GRIN2C: variants seen among roughly 807,000 people sequenced by gnomAD.
The protein encoded by GRIN2C is glutamate ionotropic receptor NMDA type subunit 2C.
GRIN2C carries 64 observed loss-of-function variants against 77.7 expected under a neutral mutation model. The observed-to-expected ratio is 0.82, with a 90% confidence interval of 0.67 to 1.01. The LOEUF is 1.01. GRIN2C is among the 50% of genes least tolerant of loss of function. GRIN2C has a pLI of 0.00. For missense variants in GRIN2C, 1,549 were observed against 1,486.0 expected (o/e 1.04, Z -0.70); for synonymous variants, 792 against 643.4 (o/e 1.23, Z -3.49).
In GRIN2C at chr17:74,847,485, C is replaced by A; in HGVS notation, c.1824G>T (p.Ala608=). ...TGGGCACTGAGTTGTTGAAGACCAG[C>A]GCCCACAGCAGCCACACGGACTTGC... ...TIGKSVWLLW[A]LVFNNSVPIE... Residue 608 remains alanine, a synonymous_variant, in exon 9 of 13, where the codon GCG becomes GCT. Coordinates refer to ENST00000293190, the MANE Select transcript of GRIN2C (RefSeq NM_000835.6). This position sits in a 1 kb window ranked among gnomAD's most constrained non-coding sequence, Gnocchi z 5.2. 1 of 1,613,886 alleles carries A rather than the reference C, an allele frequency of 6.2e-7. No individual in the cohort carries two copies. The highest frequency in any genetic ancestry group is 8.5e-7 in the Non-Finnish European group (1 of 1,179,990).
At position 74,855,068 on chromosome 17, in the gene GRIN2C, G is replaced by C. The variant is rs764148866; in HGVS notation, c.25C>G (p.Leu9Val). 1.3e-6 allele frequency: 2 copies of C among 1,593,238 alleles called. No individual in the cohort carries two copies. The highest frequency in any genetic ancestry group is 3.4e-5 in the Admixed American group (2 of 59,460). The change falls in exon 2 of 13, where the codon CTG (leucine) becomes GTG (valine). Residue 9 changes from leucine to valine, a missense_variant. Around this residue, in one of 3 missense-constraint regions of GRIN2C, gnomAD observed 382 missense variants for 360.0 expected, o/e 1.06. Coordinates refer to ENST00000293190, the MANE Select transcript of GRIN2C (RefSeq NM_000835.6). Reference protein sequence around the residue: MGGALGPALLLTSLFGAWA... With the variant: MGGALGPAVLLTSLFGAWA... Reference sequence around the variant, plus strand: ...GCACCGAAGAGCGAGGTGAGCAACAGGGCCGGCCCCAGGGCCCCACCCATG... The same window carrying C: ...GCACCGAAGAGCGAGGTGAGCAACACGGCCGGCCCCAGGGCCCCACCCATG...
Position 74,849,540 on chromosome 17 carries a change from C to T in GRIN2C, c.1645+240G>A, listed in dbSNP as rs1040473704. ...TGGATTTTCCTGCCACTCACAGTGG[C>T]ACCACGACCCATCCCACACCCCCAA... On this transcript the variant is annotated intron_variant, in intron 7 of 12. Transcript: ENST00000293190. The surrounding 1 kb of genome is among the most constrained non-coding windows in gnomAD (Gnocchi z 4.6). Among the ~76,000 whole-genome samples the T allele has an allele frequency of 2.0e-5, 3 of 152,212 alleles. No individual in the cohort carries two copies. The highest frequency in any genetic ancestry group is 4.4e-5 in the Non-Finnish European group (3 of 68,034).
At chr17:74,860,351 G>A, upstream of GRIN2C, 1 of 450,786 alleles carries the variant, frequency 2.2e-6, no homozygotes, top group Non-Finnish European at 4.5e-6. Context: ...AGGGCTGGGG[G>A]ACCGAGCCAG....
intron 1 of GRIN2C, among the ~76,000 whole-genome samples, chr17:74,856,092 CAT>C (rs1454246307): frequency 1.3e-5 from 2 of 152,174 alleles, no homozygotes; most frequent in Non-Finnish European, 2.9e-5. Context: ...TGCTAAATGT[CAT>C]TATTTTGGAT....
Position 74,852,125 on chromosome 17 carries a change from G to A in GRIN2C, c.886C>T (p.Leu296=). ...CAGTAGCTGTGGGCGCCCAGGGCCA[G>A]AATGGCCACGCCGTCGCGCACCTTC... ...RQKVRDGVAI[L]ALGAHSYWRQ... is the part of the protein sequence containing the mutation. The change falls in exon 3 of 13, where the codon CTG becomes TTG. Residue 296 remains leucine (L), a synonymous_variant. Transcript: ENST00000293190. The A allele has an allele frequency of 1.4e-6, 2 of 1,458,792 alleles. No individual in the cohort carries two copies. Among genetic ancestry groups the A allele is most frequent in the East Asian group, 2.7e-5 (1 of 37,518 alleles). The allele number at this position is 1,458,792 out of a possible 1,614,324, so 90.4% of individuals were successfully genotyped here.
chr17:74,843,280 G>A lies in GRIN2C; in HGVS notation c.2857C>T (p.Pro953Ser), dbSNP rs1383997807. 5.8e-6 allele frequency: 6 copies of A among 1,031,054 alleles called. No homozygotes were observed. In the Admixed American group the frequency reaches 9.9e-5, roughly 17 times the overall value. The allele number at this position is 1,031,054 out of a possible 1,614,324, so 63.9% of individuals were successfully genotyped here. Residue 953 changes from proline (P) to serine (S), a missense_variant, in exon 13 of 13, where the codon CCA (proline) becomes TCA (serine). Transcript: ENST00000293190. The stretch of plus-strand genomic sequence containing the variant: ...CCCCAGCCCGTGGGGCTCGGCTCTG[G>A]GGGCGGGTCGGGGGTGGGCAGGCAT... ...SPCLPTPDPP[P>S]EPSPTGWGPP...
rs2037624045 is a variant in GRIN2C at position 74,850,973 on chromosome 17, C to G, written c.1114-206G>C. 1.7e-6 allele frequency: 1 copy of G among 599,052 alleles called. No individual in the cohort carries two copies. Among genetic ancestry groups the G allele is most frequent in the Non-Finnish European group, 3.0e-6 (1 of 335,514 alleles). The allele number at this position is 599,052 out of a possible 1,614,324, so 37.1% of individuals were successfully genotyped here. ...TGACCCACAGCATCTTCCTAAAGCCCAGACCTGACCCTGTCTCACTCACTG... is the reference window on the plus strand; with the variant it reads ...TGACCCACAGCATCTTCCTAAAGCCGAGACCTGACCCTGTCTCACTCACTG... On this transcript the variant is annotated intron_variant, in intron 4 of 12. Coordinates refer to ENST00000293190, the MANE Select transcript of GRIN2C (RefSeq NM_000835.6). The surrounding 1 kb of genome is among the most constrained non-coding windows in gnomAD (Gnocchi z 5.3).
chr17:74,847,613 C>A lies in GRIN2C; in HGVS notation c.1772-76G>T. On this transcript the variant is annotated intron_variant, in intron 8 of 12. Transcript: ENST00000293190. The surrounding 1 kb of genome is among the most constrained non-coding windows in gnomAD (Gnocchi z 5.2). ...AGGGCTCAGGGCTCAGCCCACCCGA[C>A]TGCACAGCTCCGGTCTCAGCCTGGC... 1 of 1,121,016 alleles carries A rather than the reference C, an allele frequency of 8.9e-7. No homozygotes were observed. Among genetic ancestry groups the A allele is most frequent in the Non-Finnish European group, 1.3e-6 (1 of 764,694 alleles). The allele number at this position is 1,121,016 out of a possible 1,614,324, so 69.4% of individuals were successfully genotyped here. A position where few individuals can be genotyped will look rare whatever the true frequency, so the allele number is the denominator to read the frequency against.
In GRIN2C at chr17:74,852,620, G is replaced by GT; in HGVS notation, c.400-10_400-9insA. 1 of 1,153,812 alleles carries GT rather than the reference G, an allele frequency of 8.7e-7. No individual in the cohort carries two copies. 71.5% of individuals were successfully genotyped at this position (1,153,812 alleles called of 1,614,324 possible). ...AAGGCGGAGCCCGGCTCCTGGGGGC[G>GT]GGCGGGGCCTGAGCGGGGCGGGAGG... On this transcript the variant is annotated splice_polypyrimidine_tract_variant and intron_variant, in intron 2 of 12. Transcript: ENST00000293190.
Position 74,842,959 on chromosome 17 carries a change from G to A in GRIN2C, c.3178C>T (p.Leu1060=), listed in dbSNP as rs1019053276. The change falls in exon 13 of 13, where the codon CTG becomes TTG. Residue 1060 remains leucine (L), a synonymous_variant. Coordinates refer to ENST00000293190, the MANE Select transcript of GRIN2C (RefSeq NM_000835.6). ...TGCAGCAGGGCCTCCCGCCGGGCCA[G>A]CTGCTCCGGACCGAGCAGCGGCAGG... ...EDLPLLGPEQ[L]ARREALLHAA... is the part of the protein sequence containing the mutation. 5 of 545,580 alleles carry A rather than the reference G, an allele frequency of 9.2e-6. No individual in the cohort carries two copies. The highest frequency in any genetic ancestry group is 9.1e-5 in the South Asian group (4 of 43,758). The allele number at this position is 545,580 out of a possible 1,614,324, so 33.8% of individuals were successfully genotyped here.
At chr17:74,845,261 ATTTT>A (rs34846249) in intron 11 of GRIN2C, among the ~76,000 whole-genome samples, 2 of 97,638 alleles carry the variant, frequency 2.0e-5, no homozygotes, top group Non-Finnish European at 2.1e-5. Context: ...GAGAAATCAG[ATTTT>A]TTTTTTTTTT....
Position 74,842,414 on chromosome 17 carries a change from G to A in GRIN2C, c.*21C>T, listed in dbSNP as rs200508055. On this transcript the variant is annotated 3_prime_UTR_variant, in exon 13 of 13. Coordinates refer to ENST00000293190, the MANE Select transcript of GRIN2C (RefSeq NM_000835.6). ...GGCAGGCAGAGAATCCAGCTGGCTC[G>A]GAGCCTGAGTGGCTGATAACTCACA... The A allele has an allele frequency of 1.8e-4, 136 of 761,546 alleles. No individual in the cohort carries two copies. In the African/African-American group the frequency reaches 2.1e-3, roughly 12 times the overall value. 47.2% of individuals were successfully genotyped at this position (761,546 alleles called of 1,614,324 possible).
At chr17:74,848,126 A>T (rs2037522239) in intron 7 of GRIN2C, 149 bp from the exon 8 acceptor site, 1 of 784,410 alleles carries the variant, frequency 1.3e-6, no homozygotes, top group African/African-American at 1.7e-5. Flanking sequence ...GACTCAGAGC[A>T]GCAGAGCCCC....
In GRIN2C at chr17:74,849,943, G is replaced by A. The variant is rs372563340; in HGVS notation, c.1492-10C>T. On this transcript the variant is annotated splice_polypyrimidine_tract_variant and intron_variant, in intron 6 of 12. Coordinates refer to ENST00000293190, the MANE Select transcript of GRIN2C (RefSeq NM_000835.6). This position sits in a 1 kb window ranked among gnomAD's most constrained non-coding sequence, Gnocchi z 4.6. ...CCCGCTTGTAGTACACCTGGGGGCC[G>A]GACGCCACGGAGGTTTGAAAAAGGG... The A allele has an allele frequency of 3.8e-5, 61 of 1,608,994 alleles. No individual in the cohort carries two copies. The highest frequency in any genetic ancestry group is 4.4e-5 in the South Asian group (4 of 90,460).
Position 74,859,062 on chromosome 17 carries a change from C to T in GRIN2C, c.-16+682G>A, listed in dbSNP as rs1426947638. ...GCTCTGTGTAGTGGTCCCCTCCACC[C>T]CTCCATTCTGCCCTGCGGCAGGTGT... is the stretch of plus-strand genomic sequence containing the variant. On this transcript the variant is annotated intron_variant, in intron 1 of 12. Coordinates refer to ENST00000293190, the MANE Select transcript of GRIN2C (RefSeq NM_000835.6). This position sits in a 1 kb window ranked among gnomAD's most constrained non-coding sequence, Gnocchi z 5.9. Among the ~76,000 whole-genome samples, 2 of 152,164 alleles carry T rather than the reference C, an allele frequency of 1.3e-5. No individual in the cohort carries two copies. The highest frequency in any genetic ancestry group is 4.8e-5 in the African/African-American group (2 of 41,436).
In GRIN2C at chr17:74,859,310, A is replaced by G. The variant is rs561398592; in HGVS notation, c.-16+434T>C. Among the ~76,000 whole-genome samples, 117 of 152,042 alleles carry G rather than the reference A, an allele frequency of 7.7e-4. No homozygotes were observed. The highest frequency in any genetic ancestry group is 2.4e-3 in the African/African-American group (99 of 41,460). The stretch of plus-strand genomic sequence containing the variant: ...CAGCAGCATCTAGAAGGGTCTGAGC[A>G]CCTTCCCAGGCTGGGGGCCTTCTCC... On this transcript the variant is annotated intron_variant, in intron 1 of 12. Transcript: ENST00000293190. This position sits in a 1 kb window ranked among gnomAD's most constrained non-coding sequence, Gnocchi z 5.9.
rs192530626 is a variant in GRIN2C, at chr17:74,855,314, G to C, written c.-15-207C>G. Among the ~76,000 whole-genome samples the C allele has an allele frequency of 1.0e-3, 153 of 152,310 alleles. 1 individual carries two copies. Among genetic ancestry groups the C allele is most frequent in the African/African-American group, 3.5e-3 (145 of 41,558 alleles). On this transcript the variant is annotated intron_variant, in intron 1 of 12. Transcript: ENST00000293190. ...CAGAGGTTAGTTGAGCATCCCAAGG[G>C]CATCCCAGAAGAGCAAGGGCTGGGG...
chr17:74,843,152 C>G lies in GRIN2C; in HGVS notation c.2985G>C (p.Ser995=). ...GPPLSDVSRV[S]RRPAWEARWP... is the part of the protein sequence containing the mutation. ...ACCGCGCCTCCCAGGCTGGGCGGCG[C>G]GACACTCGGGAGACGTCGGACAGGG... Residue 995 remains serine (S), a synonymous_variant, in exon 13 of 13, where the codon TCG becomes TCC. Transcript: ENST00000293190. The G allele has an allele frequency of 2.4e-6, 1 of 415,650 alleles. No individual in the cohort carries two copies. Among genetic ancestry groups the G allele is most frequent in the South Asian group, 7.9e-5 (1 of 12,608 alleles). The allele number at this position is 415,650 out of a possible 1,614,324, so 25.7% of individuals were successfully genotyped here.
At position 74,852,112 on chromosome 17, in the gene GRIN2C, G is replaced by A; in HGVS notation, c.899C>T (p.Ala300Val). The A allele has an allele frequency of 1.4e-6, 2 of 1,461,996 alleles. No individual in the cohort carries two copies. The highest frequency in any genetic ancestry group is 4.9e-5 in the Admixed American group (2 of 40,602). The allele number at this position is 1,461,996 out of a possible 1,614,324, so 90.6% of individuals were successfully genotyped here. A position where few individuals can be genotyped will look rare whatever the true frequency, so the allele number is the denominator to read the frequency against. The stretch of plus-strand genomic sequence containing the variant: ...TCCATGCTGGCGCCAGTAGCTGTGG[G>A]CGCCCAGGGCCAGAATGGCCACGCC... ...RDGVAILALG[A>V]HSYWRQHGTL... The change falls in exon 3 of 13, where the codon GCC (alanine) becomes GTC (valine). Residue 300 changes from alanine (A) to valine (V), a missense_variant. Physicochemically the swap from Ala to Val is moderately conservative, Grantham distance 64. Transcript: ENST00000293190.
Sources: allele counts gnomAD v4.1 joint callset (sites outside exome capture counted in the v4.1 genomes callset), GRCh38; gene constraint gnomAD v4.1.1; regional missense constraint gnomAD v4.1.1; non-coding constraint Gnocchi (gnomAD v3.1); transcripts MANE v1.5; gene names NCBI Gene and HGNC (gene_info 2026-07-23, HGNC 2026-07-21).